Variants in DNAH9 observed in about 807,000 individuals in gnomAD.
The protein encoded by DNAH9 is dynein axonemal heavy chain 9.
Under a neutral mutation model 471.6 loss-of-function variants are expected in DNAH9, and 345 were observed. That is an observed-to-expected ratio of 0.73 (90% CI 0.67 to 0.80). DNAH9 has a LOEUF of 0.80. DNAH9 is among the 30% of genes least tolerant of loss of function. DNAH9 has a pLI of 0.00. For missense variants in DNAH9, 5,407 were observed against 5,609.2 expected (o/e 0.96, Z 1.15); for synonymous variants, 2,093 against 2,123.6 (o/e 0.99, Z 0.40).
intron 23 of DNAH9, 64 bp downstream of exon 23, chr17:11,699,947 A>T: frequency 6.5e-7 from 1 of 1,547,802 alleles, no homozygotes; most frequent in Non-Finnish European, 8.9e-7. Flanking sequence ...TTCAAATATG[A>T]TCAGCATCAA....
intron 61 of DNAH9, among the ~76,000 whole-genome samples, chr17:11,922,535 A>G (rs1415798654): frequency 6.6e-6 from 1 of 152,196 alleles, no homozygotes; most frequent in African/African-American, 2.4e-5. Context: ...AGAGCAGCTG[A>G]AGCCCACTGG....
At chr17:11,755,741 A>G (rs1470415317) in intron 33 of DNAH9, among the ~76,000 whole-genome samples, 1 of 152,182 alleles carries the variant, frequency 6.6e-6, no homozygotes, top group Non-Finnish European at 1.5e-5. Flanking sequence ...ATAGGAAGAA[A>G]GAGGATTATT....
At chr17:11,856,693 G>A (rs1035259362) in intron 50 of DNAH9, among the ~76,000 whole-genome samples, 2 of 151,348 alleles carry the variant, frequency 1.3e-5, no homozygotes. Context: ...GCAACACAGC[G>A]AGACCCTGTC....
intron 50 of DNAH9, among the ~76,000 whole-genome samples, chr17:11,863,979 GATTC>G (rs1490783702): frequency 3.3e-5 from 5 of 151,572 alleles, no homozygotes; most frequent in East Asian, 3.9e-4. Context: ...CCAGCTCCTG[GATTC>G]ATTAATTTTT....
intron 26 of DNAH9, among the ~76,000 whole-genome samples, chr17:11,712,694 C>G (rs1168124760): frequency 6.6e-6 from 1 of 152,086 alleles, no homozygotes; most frequent in African/African-American, 2.4e-5. Flanking sequence ...CAACTTTTCA[C>G]ATGCTTGTTA....
intron 50 of DNAH9, among the ~76,000 whole-genome samples, chr17:11,861,027 C>CTTTT (rs56930700): frequency 6.3e-5 from 9 of 143,898 alleles, no homozygotes; most frequent in Non-Finnish European, 1.1e-4. Flanking sequence ...AGCTGTCATT[C>CTTTT]TTTTTTTTTT....
At chr17:11,960,457 A>AAAAAAAAAAAAAAAAAAAAAAAAAAAAAG in intron 67 of DNAH9, among the ~76,000 whole-genome samples, 1 of 136,978 alleles carries the variant, frequency 7.3e-6, no homozygotes, top group African/African-American at 2.6e-5. Context: ...AAAAAAAAAA[A>AAAAAAAAAAAAAAAAAAAAAAAAAAAAAG]AAAAATCCAA....
rs1358294580 is a variant in DNAH9, at chr17:11,598,776, C to A, written c.278C>A (p.Ser93Ter). Reference sequence around the variant, plus strand: ...CCCGGGCTGGAGGTGGGACCTGAGTCGGGCCTGGCTGGCGCTAAGGCGCTT... The same window carrying A: ...CCCGGGCTGGAGGTGGGACCTGAGTAGGGCCTGGCTGGCGCTAAGGCGCTT... ...IRPGLEVGPESGLAGAKALFF... is the reference protein window; with the variant it reads ...IRPGLEVGPE Residue 93 changes from serine (S) to a stop codon, truncating the protein, a stop_gained, in exon 1 of 69, where the codon TCG (serine) becomes TAG (stop). Coordinates refer to ENST00000262442, the MANE Select transcript of DNAH9 (RefSeq NM_001372.4). LOFTEE classifies it high-confidence loss of function. 2.1e-6 allele frequency: 3 copies of A among 1,461,956 alleles called. No homozygotes were observed. The highest frequency in any genetic ancestry group is 1.5e-5 in the African/African-American group (1 of 67,708). 90.6% of individuals were successfully genotyped at this position (1,461,956 alleles called of 1,614,324 possible). A position where few individuals can be genotyped will look rare whatever the true frequency, so the allele number is the denominator to read the frequency against.
At position 11,617,055 on chromosome 17, in the gene DNAH9, G is replaced by A. The variant is rs148771233; in HGVS notation, c.905-356G>A. On this transcript the variant is annotated intron_variant, in intron 4 of 68. Transcript: ENST00000262442. Reference sequence around the variant, plus strand: ...GCCCAAAGTCATACAATTGCCAAGCGTCTCGGCCAGCATTTGAAGGAAAGT... The same window carrying A: ...GCCCAAAGTCATACAATTGCCAAGCATCTCGGCCAGCATTTGAAGGAAAGT... 5.3e-4 allele frequency among the ~76,000 whole-genome samples: 80 copies of A among 152,246 alleles called. 1 individual carries two copies. The highest frequency in any genetic ancestry group is 1.9e-4 in the East Asian group (1 of 5,168).
Position 11,739,044 on chromosome 17 carries a change from G to A in DNAH9, c.5972+7G>A, listed in dbSNP as rs760576800. On this transcript the variant is annotated splice_region_variant and intron_variant, in intron 29 of 68. Coordinates refer to ENST00000262442, the MANE Select transcript of DNAH9 (RefSeq NM_001372.4). Reference sequence around the variant, plus strand: ...ATCTCAAGTCTCTCTTCAGGTGAGTGTCAGTTCTGCCCCATGCAAAAGCCC... The same window carrying A: ...ATCTCAAGTCTCTCTTCAGGTGAGTATCAGTTCTGCCCCATGCAAAAGCCC... 6 of 1,610,936 alleles carry A rather than the reference G, an allele frequency of 3.7e-6. No homozygotes were observed. Among genetic ancestry groups the A allele is most frequent in the Non-Finnish European group, 5.1e-6 (6 of 1,177,512 alleles).
chr17:11,768,623 G>A lies in DNAH9; in HGVS notation c.7341G>A (p.Leu2447=). 1 of 1,613,896 alleles carries A rather than the reference G, an allele frequency of 6.2e-7. No homozygotes were observed. Among genetic ancestry groups the A allele is most frequent in the Non-Finnish European group, 8.5e-7 (1 of 1,179,856 alleles). ...TCGAATTTGACCCCGAGATGCCCTT[G>A]CAGGTGAGTGCAGCTGAGCAGCCGA... ...PQFEFDPEMP[L]QACLVHTSET... is the part of the protein sequence containing the mutation. The change falls in exon 37 of 69, where the codon TTG becomes TTA. Residue 2447 remains leucine (L), a synonymous_variant. Coordinates refer to ENST00000262442, the MANE Select transcript of DNAH9 (RefSeq NM_001372.4).
In DNAH9 at chr17:11,689,489, CT is replaced by C. The variant is rs904944982; in HGVS notation, c.3744-76del. ...AACACCAAGCATTTAAATATTTCAG[CT>C]GGTTGCTACCTTAGAGATGCTAGGA... On this transcript the variant is annotated intron_variant, in intron 19 of 68. Transcript: ENST00000262442. The C allele has an allele frequency of 1.1e-5, 13 of 1,225,648 alleles. No homozygotes were observed. In the Admixed American group the frequency reaches 2.7e-4, roughly 25 times the overall value. 75.9% of individuals were successfully genotyped at this position (1,225,648 alleles called of 1,614,324 possible). A position where few individuals can be genotyped will look rare whatever the true frequency, so the allele number is the denominator to read the frequency against.
At position 11,778,535 on chromosome 17, in the gene DNAH9, T is replaced by C. The variant is rs577104138; in HGVS notation, c.7553-2474T>C. Among the ~76,000 whole-genome samples, 3 of 152,082 alleles carry C rather than the reference T, an allele frequency of 2.0e-5. No homozygotes were observed. In the East Asian group the frequency reaches 5.8e-4, roughly 30 times the overall value. ...AACAGGGGATGGGCGTGATCCAATT[T>C]ACATTTTACAAGGGTATTCTTGTCT... On this transcript the variant is annotated intron_variant, in intron 38 of 68. Coordinates refer to ENST00000262442, the MANE Select transcript of DNAH9 (RefSeq NM_001372.4).
chr17:11,697,536 G>A (rs949663067), intron 22 of DNAH9, among the ~76,000 whole-genome samples: 2 of 152,112 alleles, frequency 1.3e-5, no homozygotes, highest in Non-Finnish European at 2.9e-5. Context: ...AACATGATGA[G>A]ATTTTGTCCT....
intron 49 of DNAH9, among the ~76,000 whole-genome samples, chr17:11,844,999 CTT>C (rs1027183588): frequency 1.6e-4 from 23 of 144,836 alleles, no homozygotes; most frequent in African/African-American, 5.6e-4. Flanking sequence ...TTTTTACCAT[CTT>C]TTTTTTTTTA....
chr17:11,688,372 G>A (rs900084152), intron 19 of DNAH9, among the ~76,000 whole-genome samples: 1 of 152,178 alleles, frequency 6.6e-6, no homozygotes, highest in African/African-American at 2.4e-5. Context: ...CCAGGGAAGG[G>A]CAAAGGCAGA....
intron 49 of DNAH9, among the ~76,000 whole-genome samples, chr17:11,837,926 T>C (rs1268967225): frequency 2.0e-5 from 3 of 152,174 alleles, no homozygotes; most frequent in African/African-American, 7.2e-5. Flanking sequence ...ATCTTCCAAC[T>C]ATCTCCATGG....
chr17:11,813,658 A>G (rs915062821), intron 45 of DNAH9, among the ~76,000 whole-genome samples: 1 of 152,202 alleles, frequency 6.6e-6, no homozygotes, highest in Non-Finnish European at 1.5e-5. Context: ...TTGGAAAACC[A>G]ATGATCTCAT....
chr17:11,698,253 A>G (rs1382489079), intron 22 of DNAH9, among the ~76,000 whole-genome samples: 1 of 46,190 alleles, frequency 2.2e-5, no homozygotes, highest in South Asian at 1.2e-3. Context: ...ATAATATATT[A>G]ATATATAATA....
Sources: gnomAD v4.1 joint callset for allele counts (sites outside exome capture counted in the v4.1 genomes callset) on GRCh38, gnomAD v4.1.1 for gene constraint, MANE v1.5 for transcripts, NCBI Gene and HGNC (gene_info 2026-07-23, HGNC 2026-07-21) for gene names.